Variants in RASA3 observed in about 807,000 individuals in gnomAD.
The protein encoded by RASA3 is RAS p21 protein activator 3, also known as ras GTPase-activating protein 3.
In RASA3, 73 loss-of-function variants were observed where a neutral mutation model predicts 110.0. The observed-to-expected ratio is 0.66, with a 90% CI of 0.55 to 0.81. RASA3 has a LOEUF of 0.81. RASA3 is among the 30% of genes least tolerant of loss of function. The pLI is 0.00. For synonymous variants in RASA3, 500 were observed against 451.4 expected, an observed-to-expected ratio of 1.11 and a Z score of -1.37; for missense variants, 976 against 1,113.2, an observed-to-expected ratio of 0.88 and a Z score of 1.75.
At position 114,048,475 on chromosome 13, in the gene RASA3, G is replaced by A. The variant is rs2079090033; in HGVS notation, c.277+3577C>T. Reference sequence around the variant, plus strand: ...GGAAGGTGGAGGCCTAGCGGGAAAAGGAGGGAGGCGCCAGGATCGGGGGCG... The same window carrying A: ...GGAAGGTGGAGGCCTAGCGGGAAAAAGAGGGAGGCGCCAGGATCGGGGGCG... On this transcript the variant is annotated intron_variant, in intron 3 of 23. Transcript: ENST00000334062. This position sits in a 1 kb window ranked among gnomAD's most constrained non-coding sequence, Gnocchi z 4.3. Among the ~76,000 whole-genome samples, 1 of 152,178 alleles carries A rather than the reference G, an allele frequency of 6.6e-6. No individual in the cohort carries two copies. The highest frequency in any genetic ancestry group is 2.4e-5 in the African/African-American group (1 of 41,444).
chr13:114,055,554 T>A (rs80295440), intron 2 of RASA3, among the ~76,000 whole-genome samples: 1 of 152,362 alleles, frequency 6.6e-6, no homozygotes, highest in East Asian at 1.9e-4. Context: ...GGTGACGAGC[T>A]ACTCACAGGA....
intron 1 of RASA3, among the ~76,000 whole-genome samples, chr13:114,121,199 T>C (rs2080370157): frequency 6.6e-6 from 1 of 152,256 alleles, no homozygotes; most frequent in African/African-American, 2.4e-5. Flanking sequence ...ATCCCAGCAC[T>C]GCGGCCGGGG....
chr13:114,007,655 G>A (rs372271788), intron 17 of RASA3, 49 bp from the exon 18 acceptor site: 296 of 1,431,644 alleles, frequency 2.1e-4, no homozygotes, highest in Middle Eastern at 1.4e-3. Flanking sequence ...CACATCTGAC[G>A]TGCACGGCTC....
chr13:114,108,528 C>T (rs943561144), intron 1 of RASA3: 1 of 145,382 alleles, frequency 6.9e-6, no homozygotes, highest in African/African-American at 2.7e-5. Context: ...TGTCCATCAC[C>T]CCACGTCCAT....
chr13:114,118,917 G>A (rs9525274), intron 1 of RASA3, among the ~76,000 whole-genome samples: 72,007 of 152,186 alleles, frequency 0.47, 17,088 homozygotes, highest in East Asian at 0.59. Context: ...GGGTGCCACC[G>A]TGGGGTCCCC....
chr13:114,039,034 G>A (rs953614209), intron 4 of RASA3, among the ~76,000 whole-genome samples: 2 of 152,234 alleles, frequency 1.3e-5, no homozygotes, highest in African/African-American at 2.4e-5. Context: ...ATACCAGCAC[G>A]CTTCACAAAC....
At chr13:114,091,567 GT>G (rs1566566178) in intron 1 of RASA3, among the ~76,000 whole-genome samples, 1 of 150,894 alleles carries the variant, frequency 6.6e-6, no homozygotes, top group African/African-American at 2.4e-5. Context: ...AGTCCCACCT[GT>G]CATGCTGAAT....
At position 114,048,593 on chromosome 13, in the gene RASA3, G is replaced by C. The variant is rs1446016905; in HGVS notation, c.277+3459C>G. Among the ~76,000 whole-genome samples, 1 of 152,216 alleles carries C rather than the reference G, an allele frequency of 6.6e-6. No individual in the cohort carries two copies. Among genetic ancestry groups the C allele is most frequent in the South Asian group, 2.1e-4 (1 of 4,830 alleles). ...TGCGGGGAGCCATAGTTTCCGGTCTGTGCTCTGTGAGGGCAGCGCCCGGCA... is the reference window on the plus strand; with the variant it reads ...TGCGGGGAGCCATAGTTTCCGGTCTCTGCTCTGTGAGGGCAGCGCCCGGCA... On this transcript the variant is annotated intron_variant, in intron 3 of 23. Coordinates refer to ENST00000334062, the MANE Select transcript of RASA3 (RefSeq NM_007368.4). This position sits in a 1 kb window ranked among gnomAD's most constrained non-coding sequence, Gnocchi z 4.3.
intron 1 of RASA3, among the ~76,000 whole-genome samples, chr13:114,121,166 G>A (rs779174387): frequency 2.0e-4 from 30 of 152,230 alleles, no homozygotes; most frequent in Non-Finnish European, 3.7e-4. Flanking sequence ...ATCCCAAGTT[G>A]TGGAAAGTAG....
At chr13:114,025,851 T>TGCTCCCTCCCCGGGGCTCA (rs565640275) in intron 7 of RASA3, among the ~76,000 whole-genome samples, 113 of 152,316 alleles carry the variant, frequency 7.4e-4, no homozygotes, top group African/African-American at 2.7e-3. Context: ...GCGGGGGATG[T>TGCTCCCTCCCCGGGGCTCA]GCTCCCTCCC....
intron 1 of RASA3, among the ~76,000 whole-genome samples, chr13:114,118,784 C>G (rs1308940612): frequency 6.6e-6 from 1 of 152,230 alleles, no homozygotes; most frequent in Non-Finnish European, 1.5e-5. Context: ...CTGGCCTTCT[C>G]TGCTGAAAGT....
In RASA3 at chr13:114,009,179, C is replaced by T. The variant is rs77454223; in HGVS notation, c.1668+208G>A. 3.8e-4 allele frequency among the ~76,000 whole-genome samples: 58 copies of T among 152,322 alleles called. 2 individuals carry two copies. The East Asian group carries it at 7.5e-3, about 20-fold the overall frequency. On this transcript the variant is annotated intron_variant, in intron 17 of 23. Transcript: ENST00000334062. The stretch of plus-strand genomic sequence containing the variant: ...CCCGTTTTGGCCCCAAAGGCAGTCA[C>T]GCCAAAGAGTTTACCAACTGTGGGA...
rs7998472 is a variant in RASA3, at chr13:113,996,820, C to T, written c.1933-81G>A. 3,093 of 1,275,914 alleles carry T rather than the reference C, an allele frequency of 2.4e-3. 44 individuals carry two copies. In the African/African-American group the frequency reaches 0.041, roughly 17 times the overall value. The allele number at this position is 1,275,914 out of a possible 1,614,324, so 79.0% of individuals were successfully genotyped here. On this transcript the variant is annotated intron_variant, in intron 20 of 23. Coordinates refer to ENST00000334062, the MANE Select transcript of RASA3 (RefSeq NM_007368.4). ...TGCAAGAGTCCACCAGGCACCTGGC[C>T]GTCCTCGCCGGAGTCGTAAGAGGGG... is the stretch of plus-strand genomic sequence containing the variant.
rs923941619 is a variant in RASA3 at position 113,990,368 on chromosome 13, G to A, written c.2245+2117C>T. ...AGAGGAAGAGCTGGAGCTGTGATGC[G>A]GGGCGCACGGCCTAGGAGGAGCTGA... On this transcript the variant is annotated intron_variant, in intron 22 of 23. Coordinates refer to ENST00000334062, the MANE Select transcript of RASA3 (RefSeq NM_007368.4). Among the ~76,000 whole-genome samples the A allele has an allele frequency of 5.3e-4, 81 of 152,342 alleles. 1 individual carries two copies. Among genetic ancestry groups the A allele is most frequent in the East Asian group, 9.6e-4 (5 of 5,186 alleles).
intron 1 of RASA3, among the ~76,000 whole-genome samples, chr13:114,120,509 T>C (rs1168782982): frequency 3.5e-4 from 15 of 42,696 alleles, no homozygotes; most frequent in East Asian, 6.2e-4. Context: ...CCCCCCCTCC[T>C]CTCTCCAGCC....
chr13:114,011,175 T>C lies in RASA3; in HGVS notation c.1586A>G (p.Lys529Arg). 1.2e-6 allele frequency: 2 copies of C among 1,609,542 alleles called. No individual in the cohort carries two copies. Among genetic ancestry groups the C allele is most frequent in the Non-Finnish European group, 1.7e-6 (2 of 1,176,722 alleles). Residue 529 changes from lysine (K) to arginine (R), a missense_variant, in exon 16 of 24, where the codon AAA (lysine) becomes AGA (arginine). Around this residue, in one of 4 missense-constraint regions of RASA3, gnomAD observed 732 missense variants for 779.7 expected, o/e 0.94. Coordinates refer to ENST00000334062, the MANE Select transcript of RASA3 (RefSeq NM_007368.4). This position sits in a 1 kb window ranked among gnomAD's most constrained non-coding sequence, Gnocchi z 4.8. ...VQTLGSLSKS[K>R]SASFKESYMA... ...AAATGAAGAAGAGGGACTCACAGAT[T>C]TGGACTTGGACAGGCTGCCGAGGGT...
chr13:114,038,732 G>A (rs1471296176), intron 4 of RASA3, among the ~76,000 whole-genome samples: 2 of 147,266 alleles, frequency 1.4e-5, no homozygotes, highest in Admixed American at 6.8e-5. Flanking sequence ...AGGGTTCCCA[G>A]AGGACGAGGG....
chr13:113,996,558 G>A lies in RASA3; in HGVS notation c.2114C>T (p.Ser705Leu), dbSNP rs1161979578. ...AGTGCAGGGCGAGCAGCCCGGAGCC[G>A]AGTCGGATGGCGCCCTACAGCACAG... ...HWLCCRAPSDSAPGCSPCTGG... is the reference protein window; with the variant it reads ...HWLCCRAPSDLAPGCSPCTGG... The change falls in exon 21 of 24, where the codon TCG becomes TTG. Residue 705 changes from serine to leucine, a missense_variant. By Grantham distance (145) the Ser-to-Leu change is moderately radical (BLOSUM62 -2). Coordinates refer to ENST00000334062, the MANE Select transcript of RASA3 (RefSeq NM_007368.4). 9 of 1,612,838 alleles carry A rather than the reference G, an allele frequency of 5.6e-6. No homozygotes were observed. Among genetic ancestry groups the A allele is most frequent in the East Asian group, 2.2e-5 (1 of 44,892 alleles).
At chr13:114,079,468 G>C (rs1434281397) in intron 1 of RASA3, among the ~76,000 whole-genome samples, 1 of 152,174 alleles carries the variant, frequency 6.6e-6, no homozygotes, top group Non-Finnish European at 1.5e-5. Context: ...ATTCAAAGGG[G>C]CCTAAAAATT....
Sources: allele counts gnomAD v4.1 joint callset (sites outside exome capture counted in the v4.1 genomes callset), GRCh38; gene constraint gnomAD v4.1.1; regional missense constraint gnomAD v4.1.1; non-coding constraint Gnocchi (gnomAD v3.1); transcripts MANE v1.5; gene names NCBI Gene and HGNC (gene_info 2026-07-23, HGNC 2026-07-21).